Variants in FAR2 observed in about 807,000 individuals in gnomAD.
FAR2 encodes the protein epididymis secretory protein Li 81.
In FAR2, 19 loss-of-function variants were observed where a neutral mutation model predicts 56.0. The observed-to-expected ratio is 0.34, with a 90% CI of 0.24 to 0.50. FAR2 has a LOEUF of 0.50. FAR2 is among the 20% of genes least tolerant of loss of function. The pLI, the probability that FAR2 is intolerant of heterozygous loss-of-function variation, is 0.98. For missense variants in FAR2, 508 were observed against 642.2 expected, an observed-to-expected ratio of 0.79 and a Z score of 2.26; for synonymous variants, 219 against 218.8, an observed-to-expected ratio of 1.00 and a Z score of -0.01.
chr12:29,220,210 C>T (rs1018442885), intron 1 of FAR2, among the ~76,000 whole-genome samples: 2 of 152,186 alleles, frequency 1.3e-5, no homozygotes. Flanking sequence ...TTCACTTCCT[C>T]CATGCAGACC....
At chr12:29,246,079 T>C (rs532904492) in intron 1 of FAR2, among the ~76,000 whole-genome samples, 1 of 151,766 alleles carries the variant, frequency 6.6e-6, no homozygotes, top group East Asian at 1.9e-4. Flanking sequence ...GTTATAGTTT[T>C]ATATTTTTTT....
chr12:29,275,607 C>T (rs528567613), intron 2 of FAR2, among the ~76,000 whole-genome samples: 3 of 152,236 alleles, frequency 2.0e-5, no homozygotes, highest in East Asian at 1.9e-4. Context: ...GTTTGTTTTT[C>T]GATGGGAGCC....
chr12:29,325,630 C>G (rs11050192), intron 10 of FAR2, among the ~76,000 whole-genome samples: 48,014 of 152,058 alleles, frequency 0.32, 7,655 homozygotes, highest in East Asian at 0.35. Context: ...GGGAACTGAA[C>G]AACCTGCTCC....
At chr12:29,167,460 T>C (rs1949840327) in intron 1 of FAR2, among the ~76,000 whole-genome samples, 1 of 152,216 alleles carries the variant, frequency 6.6e-6, no homozygotes, top group Non-Finnish European at 1.5e-5. Context: ...TCTGAACTTC[T>C]CCAGAGGCTT....
intron 1 of FAR2, among the ~76,000 whole-genome samples, chr12:29,166,889 C>A (rs540418314): frequency 1.3e-5 from 2 of 152,158 alleles, no homozygotes; most frequent in Non-Finnish European, 2.9e-5. Context: ...CCCCACGATC[C>A]CTGCCCCTGA....
In FAR2 at chr12:29,157,103, A is replaced by ATT. The variant is rs1380558099; in HGVS notation, c.-39+7699_-39+7700dup. 247 of 60,824 alleles carry ATT rather than the reference A, an allele frequency of 4.1e-3. 4 individuals carry two copies. The highest frequency in any genetic ancestry group is 5.8e-3 in the Non-Finnish European group (191 of 33,166). The allele number at this position is 60,824 out of a possible 1,614,324, so 3.8% of individuals were successfully genotyped here. ...CAACACCAGTATTAAAGCAAAGAAC[A>ATT]TTTTATATATATATATATATATATA... On this transcript the variant is annotated intron_variant, in intron 1 of 11. Coordinates refer to ENST00000536681, the MANE Select transcript of FAR2 (RefSeq NM_001271783.2).
intron 1 of FAR2, among the ~76,000 whole-genome samples, chr12:29,206,117 T>G (rs894060793): frequency 6.6e-6 from 1 of 152,226 alleles, no homozygotes; most frequent in Admixed American, 6.5e-5. Context: ...TTGTCTGACT[T>G]GTTTCCCAAG....
chr12:29,263,445 A>G (rs543826083), intron 1 of FAR2, among the ~76,000 whole-genome samples: 2 of 152,252 alleles, frequency 1.3e-5, no homozygotes, highest in East Asian at 1.9e-4. Flanking sequence ...AATAATATCA[A>G]GCATCTTCTC....
intron 2 of FAR2, chr12:29,277,510 C>G (rs1948720031): frequency 6.6e-6 from 1 of 152,170 alleles, no homozygotes; most frequent in Non-Finnish European, 1.5e-5. Context: ...ATTGGCCTCA[C>G]AGATCTTAAA....
intron 1 of FAR2, 32 bp from the exon 2 acceptor site, chr12:29,270,380 T>C: frequency 2.1e-6 from 3 of 1,414,194 alleles, no homozygotes; most frequent in Non-Finnish European, 2.9e-6. Context: ...CTTCTGAAGA[T>C]GTAATCTTTT....
intron 4 of FAR2, among the ~76,000 whole-genome samples, chr12:29,306,364 A>C (rs575193525): frequency 6.6e-6 from 1 of 152,350 alleles, no homozygotes; most frequent in Admixed American, 6.5e-5. Context: ...GTCGATGCCC[A>C]TGTTCTACCT....
At chr12:29,215,950 T>A (rs531610797) in intron 1 of FAR2, among the ~76,000 whole-genome samples, 174 of 152,286 alleles carry the variant, frequency 1.1e-3, no homozygotes, top group Non-Finnish European at 2.0e-3. Context: ...GGTTCACCCT[T>A]CTGCATCCTC....
intron 1 of FAR2, among the ~76,000 whole-genome samples, chr12:29,193,325 A>G (rs1460126948): frequency 1.3e-5 from 2 of 152,186 alleles, no homozygotes; most frequent in Non-Finnish European, 2.9e-5. Flanking sequence ...CAAATGTTTA[A>G]TAACATGTTT....
At chr12:29,257,793 C>A (rs534037292) in intron 1 of FAR2, among the ~76,000 whole-genome samples, 1 of 152,132 alleles carries the variant, frequency 6.6e-6, no homozygotes, top group African/African-American at 2.4e-5. Flanking sequence ...GAACAAACTC[C>A]GGACACGCCA....
chr12:29,319,913 C>T (rs903154075), intron 9 of FAR2, among the ~76,000 whole-genome samples: 9 of 152,200 alleles, frequency 5.9e-5, no homozygotes, highest in African/African-American at 2.2e-4. Context: ...ATTAAGAAGA[C>T]CTTCTTGGCT....
At chr12:29,277,344 C>T (rs1565501274) in intron 2 of FAR2, 4 of 152,188 alleles carry the variant, frequency 2.6e-5, no homozygotes, top group Non-Finnish European at 5.9e-5. Flanking sequence ...CCAGAAATAA[C>T]AAGAAAGTAC....
chr12:29,303,513 A>G (rs1436952759), intron 4 of FAR2, among the ~76,000 whole-genome samples: 1 of 152,130 alleles, frequency 6.6e-6, no homozygotes, highest in South Asian at 2.1e-4. Flanking sequence ...AGACACAGCT[A>G]AGCTGCCATG....
chr12:29,190,295 C>T (rs1950091009), intron 1 of FAR2, among the ~76,000 whole-genome samples: 1 of 140,288 alleles, frequency 7.1e-6, no homozygotes. Context: ...GATGGGATAA[C>T]CCAGGGAGAA....
chr12:29,150,728 TC>T (rs1440991004), intron 1 of FAR2, among the ~76,000 whole-genome samples: 1 of 152,206 alleles, frequency 6.6e-6, no homozygotes, highest in African/African-American at 2.4e-5. Flanking sequence ...TGTCAATATT[TC>T]ATCGGTAGTA....
Sources: allele counts gnomAD v4.1 joint callset (sites outside exome capture counted in the v4.1 genomes callset), GRCh38; gene constraint gnomAD v4.1.1; transcripts MANE v1.5; gene names NCBI Gene and HGNC (gene_info 2026-07-23, HGNC 2026-07-21).